Variants in PM20D2 observed in about 807,000 individuals in gnomAD.
PM20D2 encodes the protein xaa-Arg dipeptidase.
Under a neutral mutation model 42.9 loss-of-function variants are expected in PM20D2, and 33 were observed. The observed-to-expected ratio is 0.77, with a 90% CI of 0.58 to 1.03. The LOEUF is 1.03. Among genes scored for constraint, PM20D2 ranks in the 50% least tolerant of loss-of-function variants. The pLI is 0.00. For missense variants in PM20D2, 548 were observed against 557.0 expected, an observed-to-expected ratio of 0.98 and a Z score of 0.16; for synonymous variants, 250 against 228.2, an observed-to-expected ratio of 1.10 and a Z score of -0.86.
the PM20D2 span, among the ~76,000 whole-genome samples, chr6:89,136,818 G>GC: frequency 1.3e-5 from 2 of 151,056 alleles, no homozygotes; most frequent in African/African-American, 5.0e-5. Context: ...TTGTAAAGTT[G>GC]CCCCAAAATG....
chr6:89,105,025 T>C, the PM20D2 span: 1 of 1,324,826 alleles, frequency 7.5e-7, no homozygotes. Context: ...ACTACTGCAC[T>C]CCAGCCTGGG....
the PM20D2 span, among the ~76,000 whole-genome samples, chr6:89,124,114 T>A: frequency 6.6e-6 from 1 of 152,208 alleles, no homozygotes; most frequent in African/African-American, 2.4e-5. Flanking sequence ...AAGCCTGCTC[T>A]CTCTTATAAA....
upstream of PM20D2, among the ~76,000 whole-genome samples, chr6:89,144,321 T>G (rs1770444361): frequency 6.6e-6 from 1 of 152,250 alleles, no homozygotes; most frequent in Admixed American, 6.5e-5. Flanking sequence ...TGTTTATTGA[T>G]GCCTGAGGAG....
the PM20D2 span, among the ~76,000 whole-genome samples, chr6:89,109,167 G>A: frequency 6.6e-6 from 1 of 152,088 alleles, no homozygotes; most frequent in Non-Finnish European, 1.5e-5. Flanking sequence ...ATCTGTGAAG[G>A]GATGTTACAG....
the PM20D2 span, among the ~76,000 whole-genome samples, chr6:89,117,133 T>G: frequency 6.6e-6 from 1 of 151,968 alleles, no homozygotes; most frequent in Non-Finnish European, 1.5e-5. Context: ...TAGACAAAAT[T>G]CTCAACGGAG....
At chr6:89,149,189 A>G (rs1770739598) in intron 1 of PM20D2, 76 bp from the exon 2 acceptor site, 7 of 1,513,166 alleles carry the variant, frequency 4.6e-6, no homozygotes, top group African/African-American at 2.8e-5. Flanking sequence ...TTGTGAATAC[A>G]TATGCAGGTG....
At chr6:89,153,605 A>AT (rs1460106478) in intron 3 of PM20D2, among the ~76,000 whole-genome samples, 4 of 151,776 alleles carry the variant, frequency 2.6e-5, no homozygotes, top group African/African-American at 7.3e-5. Context: ...TTTTTGTGTG[A>AT]TTTTTTGTTT....
At chr6:89,097,443 A>C in the PM20D2 span, 2 of 152,196 alleles carry the variant, frequency 1.3e-5, no homozygotes, top group African/African-American at 4.8e-5. Context: ...GGCTGTCAGA[A>C]ATGAAGGGCA....
the PM20D2 span, among the ~76,000 whole-genome samples, chr6:89,113,770 A>C: frequency 3.3e-5 from 5 of 151,996 alleles, no homozygotes; most frequent in Non-Finnish European, 7.4e-5. Flanking sequence ...CAGCCTCTCA[A>C]ATAGCTGAAC....
the PM20D2 span, among the ~76,000 whole-genome samples, chr6:89,124,739 T>G: frequency 1.4e-5 from 2 of 138,054 alleles, no homozygotes; most frequent in African/African-American, 2.7e-5. Context: ...TGTTGTTGTT[T>G]TTTTTTTTTT....
the PM20D2 span, among the ~76,000 whole-genome samples, chr6:89,118,536 C>G: frequency 6.6e-6 from 1 of 152,126 alleles, no homozygotes; most frequent in Non-Finnish European, 1.5e-5. Context: ...CCCAGGTGGT[C>G]TCAAACTCCT....
chr6:89,103,991 C>CTTTTTTTTTTTTTTTT, the PM20D2 span, among the ~76,000 whole-genome samples: 1 of 81,964 alleles, frequency 1.2e-5, no homozygotes, highest in African/African-American at 4.7e-5. Context: ...TATTATATTT[C>CTTTTTTTTTTTTTTTT]TTTTTTTTTT....
the PM20D2 span, among the ~76,000 whole-genome samples, chr6:89,099,385 GCTCTCT>G: frequency 1.5e-5 from 1 of 66,960 alleles, no homozygotes; most frequent in African/African-American, 5.3e-5. Context: ...ATAGAAAACA[GCTCTCT>G]CTCTCTCTCT....
At chr6:89,097,455 T>C in the PM20D2 span, 2 of 152,118 alleles carry the variant, frequency 1.3e-5, no homozygotes, top group Non-Finnish European at 2.9e-5. Context: ...TGAAGGGCAG[T>C]ATAATGTAAA....
intron 2 of PM20D2, among the ~76,000 whole-genome samples, chr6:89,152,351 C>T (rs1467727687): frequency 1.3e-5 from 2 of 151,936 alleles, no homozygotes; most frequent in African/African-American, 2.4e-5. Context: ...AAAGTGTTAT[C>T]AAAGCACGTC....
chr6:89,116,685 G>T, the PM20D2 span, among the ~76,000 whole-genome samples: 16 of 151,418 alleles, frequency 1.1e-4, no homozygotes, highest in Non-Finnish European at 2.4e-4. Flanking sequence ...TGAGGCAGGA[G>T]AATCGCTTGA....
At chr6:89,109,677 C>A in the PM20D2 span, among the ~76,000 whole-genome samples, 1 of 152,198 alleles carries the variant, frequency 6.6e-6, no homozygotes, top group Non-Finnish European at 1.5e-5. Flanking sequence ...AGCCAATTCC[C>A]ATTCACTGTC....
the PM20D2 span, chr6:89,105,263 G>A: frequency 6.2e-7 from 1 of 1,603,846 alleles, no homozygotes; most frequent in African/African-American, 1.3e-5. Context: ...GCCTGGTGCT[G>A]GAACATAAAG....
chr6:89,117,941 T>C, the PM20D2 span: 4 of 1,516,262 alleles, frequency 2.6e-6, no homozygotes, highest in South Asian at 4.9e-5. Context: ...ACTCGCTCCG[T>C]CTCCCGCTAC....
Sources: gnomAD v4.1 joint callset for allele counts (sites outside exome capture counted in the v4.1 genomes callset) on GRCh38, gnomAD v4.1.1 for gene constraint, MANE v1.5 for transcripts, NCBI Gene and HGNC (gene_info 2026-07-23, HGNC 2026-07-21) for gene names.